LCA5: variants seen among roughly 807,000 people sequenced by gnomAD.
LCA5 encodes lebercilin LCA5, also known as lebercilin.
LCA5 carries 37 observed loss-of-function variants against 53.0 expected under a neutral mutation model. The ratio of observed to expected loss-of-function variants is 0.70; its 90% CI spans 0.54 to 0.92. LCA5 has a LOEUF of 0.92. LCA5 is among the 40% of genes least tolerant of loss of function. The pLI, the probability that LCA5 is intolerant of heterozygous loss-of-function variation, is 0.00. For missense variants in LCA5, 806 were observed against 790.5 expected (o/e 1.02, Z -0.23); for synonymous variants, 303 against 282.9 (o/e 1.07, Z -0.71).
chr6:79,536,682 T>A (rs1767135850), intron 1 of LCA5, among the ~76,000 whole-genome samples: 2 of 152,250 alleles, frequency 1.3e-5, no homozygotes, highest in Admixed American at 1.3e-4. Flanking sequence ...ACAGTTTTAA[T>A]AATAACACAT....
At chr6:79,503,909 T>C (rs148286079) in intron 3 of LCA5, among the ~76,000 whole-genome samples, 8 of 152,370 alleles carry the variant, frequency 5.3e-5, no homozygotes, top group Admixed American at 5.2e-4. Context: ...TTTTTAAAAT[T>C]TGACCTTGAA....
upstream of LCA5, among the ~76,000 whole-genome samples, chr6:79,538,041 T>TTTTTTG (rs1767211477): frequency 7.1e-6 from 1 of 140,864 alleles, no homozygotes; most frequent in South Asian, 2.3e-4. Context: ...TTTTTTTTTT[T>TTTTTTG]TTTTTTTTTT....
At chr6:79,515,973 T>G (rs1766425090) in intron 2 of LCA5, among the ~76,000 whole-genome samples, 1 of 152,144 alleles carries the variant, frequency 6.6e-6, no homozygotes, top group Admixed American at 6.6e-5. Flanking sequence ...GACAAGTGGG[T>G]AGCCCAAACT....
chr6:79,503,864 TCTAA>T (rs372218729), intron 3 of LCA5, among the ~76,000 whole-genome samples: 86 of 152,370 alleles, frequency 5.6e-4, no homozygotes, highest in African/African-American at 1.8e-3. Context: ...GTATTAACAG[TCTAA>T]CTAATAGTCT....
chr6:79,494,768 CATT>C (rs976291771), intron 3 of LCA5, among the ~76,000 whole-genome samples: 3 of 152,140 alleles, frequency 2.0e-5, no homozygotes, highest in African/African-American at 7.2e-5. Flanking sequence ...TTCTGCTGTT[CATT>C]ATTAGGGTGC....
intron 3 of LCA5, among the ~76,000 whole-genome samples, chr6:79,512,484 C>T (rs1766255317): frequency 6.6e-6 from 1 of 152,094 alleles, no homozygotes; most frequent in Non-Finnish European, 1.5e-5. Context: ...CTGCAGAAAC[C>T]TAATTTATTT....
At chr6:79,531,104 T>C (rs1356233384) in intron 1 of LCA5, among the ~76,000 whole-genome samples, 1 of 152,176 alleles carries the variant, frequency 6.6e-6, no homozygotes, top group Non-Finnish European at 1.5e-5. Context: ...GCTCCGTTAG[T>C]AAAACTTGAA....
rs1261456833 is a variant in LCA5 at position 79,487,666 on chromosome 6, G to A, written c.1432C>T (p.Leu478Phe). 9 of 1,613,724 alleles carry A rather than the reference G, an allele frequency of 5.6e-6. No individual in the cohort carries two copies. Among genetic ancestry groups the A allele is most frequent in the Non-Finnish European group, 7.6e-6 (9 of 1,179,806 alleles). Residue 478 changes from leucine to phenylalanine, a missense_variant, in exon 8 of 8, where the codon CTC becomes TTC. Physicochemically the swap from Leu to Phe is conservative, Grantham distance 22. Coordinates refer to ENST00000369846, the MANE Select transcript of LCA5 (RefSeq NM_001122769.3). ...LAKLNEIDRE[L>F]QDSRNLKYPV... ...TATTTTAGATTTCGAGAATCTTGGA[G>A]TTCTCTGTCAATTTCATTCAGTTTA...
At chr6:79,489,430 A>T (rs1017555048) in intron 6 of LCA5, among the ~76,000 whole-genome samples, 7 of 152,168 alleles carry the variant, frequency 4.6e-5, no homozygotes, top group Non-Finnish European at 1.0e-4. Context: ...AGAAGCATTC[A>T]TAAGATGTAC....
intron 5 of LCA5, 114 bp from the exon 6 acceptor site, chr6:79,491,844 T>G (rs561830077): frequency 7.2e-5 from 58 of 805,632 alleles, no homozygotes; most frequent in South Asian, 6.3e-4. Flanking sequence ...ACATGTACAT[T>G]TATATGCACC....
At chr6:79,491,471 G>A (rs551161392) in intron 6 of LCA5, 117 bp downstream of exon 6, 12 of 1,068,848 alleles carry the variant, frequency 1.1e-5, no homozygotes, top group Admixed American at 7.3e-5. Flanking sequence ...AAGGCTAGTC[G>A]CATATTCATA....
Position 79,496,055 on chromosome 6 carries a change from C to A in LCA5, c.721-2305G>T, listed in dbSNP as rs1327010678. ...AACAGATAATTCACCAAAAAGATAT[C>A]CAGAGACAAATGGGCATATAGAACA... On this transcript the variant is annotated intron_variant, in intron 3 of 7. Coordinates refer to ENST00000369846, the MANE Select transcript of LCA5 (RefSeq NM_001122769.3). Among the ~76,000 whole-genome samples the A allele has an allele frequency of 2.0e-5, 3 of 152,040 alleles. No homozygotes were observed. The East Asian group carries it at 5.8e-4, about 29-fold the overall frequency.
chr6:79,513,054 T>A (rs769633234), intron 3 of LCA5, 158 bp downstream of exon 3: 2 of 704,130 alleles, frequency 2.8e-6, no homozygotes, highest in South Asian at 1.6e-5. Context: ...TGCATCTTCC[T>A]CTTAAATATA....
At chr6:79,529,030 G>A (rs1766875176) in intron 1 of LCA5, among the ~76,000 whole-genome samples, 1 of 152,098 alleles carries the variant, frequency 6.6e-6, no homozygotes, top group South Asian at 2.1e-4. Flanking sequence ...AAAATGGAAA[G>A]GCATGGTAGC....
chr6:79,533,345 G>A (rs773640177), intron 1 of LCA5, among the ~76,000 whole-genome samples: 4 of 152,066 alleles, frequency 2.6e-5, no homozygotes, highest in Non-Finnish European at 5.9e-5. Flanking sequence ...CGTTGCAGGA[G>A]GAGGGGGGAG....
chr6:79,492,635 C>G lies in LCA5; in HGVS notation c.871G>C (p.Glu291Gln). ...GAATATATATTTTTTATATCCAGTT[C>G]TCTCTCCTTTTCCTGAAAACAAACG... ...LYHKLKEKER[E>Q]LDIKNIYSNR... The change falls in exon 5 of 8, where the codon GAA becomes CAA. Residue 291 changes from glutamate (E) to glutamine (Q), a missense_variant. By Grantham distance (29) the Glu-to-Gln change is conservative. Coordinates refer to ENST00000369846, the MANE Select transcript of LCA5 (RefSeq NM_001122769.3). The G allele has an allele frequency of 6.5e-7, 1 of 1,528,248 alleles. No homozygotes were observed. The highest frequency in any genetic ancestry group is 2.3e-5 in the East Asian group (1 of 43,488). 94.7% of individuals were successfully genotyped at this position (1,528,248 alleles called of 1,614,324 possible). A position where few individuals can be genotyped will look rare whatever the true frequency, so the allele number is the denominator to read the frequency against.
chr6:79,492,855 C>T (rs777193492), intron 4 of LCA5, among the ~76,000 whole-genome samples: 1 of 151,882 alleles, frequency 6.6e-6, no homozygotes, highest in Non-Finnish European at 1.5e-5. Flanking sequence ...TCTAATATGT[C>T]CTGGAAATTA....
chr6:79,531,892 T>C (rs1345168812), intron 1 of LCA5, among the ~76,000 whole-genome samples: 1 of 152,200 alleles, frequency 6.6e-6, no homozygotes, highest in East Asian at 1.9e-4. Context: ...ACATGTTATC[T>C]ACACTCTCTC....
At chr6:79,526,615 T>C (rs1182779350) in intron 1 of LCA5, among the ~76,000 whole-genome samples, 1 of 152,102 alleles carries the variant, frequency 6.6e-6, no homozygotes, top group African/African-American at 2.4e-5. Flanking sequence ...ATTCAGACAA[T>C]GGGAGCCCCT....
Sources: gnomAD v4.1 joint callset for allele counts (sites outside exome capture counted in the v4.1 genomes callset) on GRCh38, gnomAD v4.1.1 for gene constraint, MANE v1.5 for transcripts, NCBI Gene and HGNC (gene_info 2026-07-23, HGNC 2026-07-21) for gene names.